The following PRPF18 variants were observed in gnomAD, a reference collection of about 807,000 sequenced individuals.
The protein encoded by PRPF18 is pre-mRNA-splicing factor 18.
A neutral mutation model predicts 46.5 loss-of-function variants in PRPF18; 38 were observed. The ratio of observed to expected loss-of-function variants is 0.82; its 90% CI spans 0.63 to 1.07. The LOEUF (loss-of-function observed/expected upper bound fraction) is 1.07. Among genes scored for constraint, PRPF18 ranks in the 50% least tolerant of loss-of-function variants. The pLI, the probability that PRPF18 is intolerant of heterozygous loss-of-function variation, is 0.00. For synonymous variants in PRPF18, 152 were observed against 146.7 expected, an observed-to-expected ratio of 1.04 and a Z score of -0.26; for missense variants, 263 against 410.0, an observed-to-expected ratio of 0.64 and a Z score of 3.10.
At chr10:13,647,410 C>T in the PRPF18 span, 12 of 152,204 alleles carry the variant, frequency 7.9e-5, no homozygotes, top group African/African-American at 2.9e-4. Context: ...AAGCTCCCCA[C>T]CAGGTGATTC....
chr10:13,593,467 C>T (rs1028512668), intron 1 of PRPF18, among the ~76,000 whole-genome samples: 6 of 152,164 alleles, frequency 3.9e-5, no homozygotes, highest in Non-Finnish European at 5.9e-5. Context: ...TGTCCACATG[C>T]TGTGGGGCTG....
intron 9 of PRPF18, among the ~76,000 whole-genome samples, chr10:13,623,980 A>G (rs2080459293): frequency 6.6e-6 from 1 of 152,190 alleles, no homozygotes; most frequent in African/African-American, 2.4e-5. Flanking sequence ...CAGTTCACCA[A>G]TTAGATATTT....
chr10:13,610,203 C>T lies in PRPF18; in HGVS notation c.510+18C>T. The T allele has an allele frequency of 6.2e-7, 1 of 1,606,742 alleles. No homozygotes were observed. The highest frequency in any genetic ancestry group is 8.5e-7 in the Non-Finnish European group (1 of 1,174,834). On this transcript the variant is annotated intron_variant, in intron 5 of 9. Transcript: ENST00000378572. ...AGTTAGAGGTAATCTCTACACCAAG[C>T]CCAGCACATCCCTGGCACCCTTCTT...
intron 9 of PRPF18, among the ~76,000 whole-genome samples, chr10:13,627,093 C>T (rs190438984): frequency 6.6e-6 from 1 of 152,292 alleles, no homozygotes; most frequent in East Asian, 1.9e-4. Flanking sequence ...CACATACAGT[C>T]AGATCGTGTT....
intron 2 of PRPF18, among the ~76,000 whole-genome samples, chr10:13,598,364 T>A (rs760863256): frequency 6.6e-6 from 1 of 152,192 alleles, no homozygotes; most frequent in Admixed American, 6.5e-5. Flanking sequence ...TAATTAACCT[T>A]TTGCTTGTAA....
intron 9 of PRPF18, among the ~76,000 whole-genome samples, chr10:13,617,546 G>GA (rs66828303): frequency 0.93 from 138,898 of 148,682 alleles, 65,176 homozygotes; most frequent in Non-Finnish European, 0.98. Context: ...GCTTTTAGCT[G>GA]AAAAAAAAAA....
At chr10:13,603,224 G>A (rs2080139265) in intron 3 of PRPF18, among the ~76,000 whole-genome samples, 1 of 151,066 alleles carries the variant, frequency 6.6e-6, no homozygotes, top group South Asian at 2.1e-4. Context: ...TATTGAAATA[G>A]TAAAAGAGGA....
chr10:13,607,585 A>C (rs1314557029), intron 4 of PRPF18, among the ~76,000 whole-genome samples: 1 of 152,024 alleles, frequency 6.6e-6, no homozygotes, highest in Non-Finnish European at 1.5e-5. Flanking sequence ...CTGATTTTTT[A>C]ATTTTTGTAG....
intron 9 of PRPF18, among the ~76,000 whole-genome samples, chr10:13,627,864 G>A (rs756151300): frequency 6.6e-6 from 1 of 152,156 alleles, no homozygotes; most frequent in African/African-American, 2.4e-5. Flanking sequence ...TTTGCCTTCC[G>A]CTTGCGCATA....
At chr10:13,633,519 TGGG>T (rs1381198386), downstream of PRPF18, among the ~76,000 whole-genome samples, 1 of 152,180 alleles carries the variant, frequency 6.6e-6, no homozygotes, top group East Asian at 1.9e-4. Flanking sequence ...GATTTGAATT[TGGG>T]GATTCATATC....
At chr10:13,655,437 C>T in the PRPF18 span, 1 of 152,132 alleles carries the variant, frequency 6.6e-6, no homozygotes, top group African/African-American at 2.4e-5. Context: ...TTTCACTGGG[C>T]TATTTTACAG....
chr10:13,608,963 A>G, intron 4 of PRPF18, among the ~76,000 whole-genome samples: 1 of 152,254 alleles, frequency 6.6e-6, no homozygotes, highest in East Asian at 1.9e-4. Flanking sequence ...TGAGAATTCG[A>G]TGAGGTGACC....
the PRPF18 span, chr10:13,655,408 C>G: frequency 1.3e-5 from 2 of 152,118 alleles, no homozygotes; most frequent in African/African-American, 4.8e-5. Context: ...CAAGATCTTC[C>G]TGGGGAGTCA....
chr10:13,597,696 T>TC, intron 2 of PRPF18, 161 bp downstream of exon 2: 1 of 1,584,120 alleles, frequency 6.3e-7, no homozygotes, highest in South Asian at 1.1e-5. Context: ...TTTTGCATTT[T>TC]TAAAAAAATC....
intron 2 of PRPF18, among the ~76,000 whole-genome samples, chr10:13,599,088 T>A (rs1291416666): frequency 6.6e-6 from 1 of 152,206 alleles, no homozygotes; most frequent in Non-Finnish European, 1.5e-5. Flanking sequence ...TTTGGAGAAA[T>A]ATGTTTCCAT....
chr10:13,646,911 G>C, the PRPF18 span: 2 of 731,776 alleles, frequency 2.7e-6, no homozygotes, highest in Non-Finnish European at 3.3e-6. Context: ...GCGTTGAGGC[G>C]GTCAGATTAG....
intron 5 of PRPF18, among the ~76,000 whole-genome samples, chr10:13,610,928 G>T (rs926103092): frequency 6.6e-6 from 1 of 152,206 alleles, no homozygotes; most frequent in Non-Finnish European, 1.5e-5. Context: ...TGGAGTGTTA[G>T]TGTATAATCT....
chr10:13,596,610 C>T (rs1383546147), intron 1 of PRPF18, among the ~76,000 whole-genome samples: 4 of 152,122 alleles, frequency 2.6e-5, no homozygotes, highest in Non-Finnish European at 5.9e-5. Context: ...GGCAGAGCTG[C>T]GATGGCAACA....
intron 4 of PRPF18, among the ~76,000 whole-genome samples, chr10:13,607,458 C>T (rs904817443): frequency 6.6e-6 from 1 of 152,084 alleles, no homozygotes; most frequent in African/African-American, 2.4e-5. Context: ...CACTCTCACC[C>T]AGGCTGGAGT....
Sources: allele counts gnomAD v4.1 joint callset (sites outside exome capture counted in the v4.1 genomes callset), GRCh38; gene constraint gnomAD v4.1.1; transcripts MANE v1.5; gene names NCBI Gene and HGNC (gene_info 2026-07-23, HGNC 2026-07-21).